RAP1A: variants seen among roughly 807,000 people sequenced by gnomAD.
RAP1A encodes the protein ras-related protein Rap-1A.
RAP1A carries 6 observed loss-of-function variants against 26.4 expected under a neutral mutation model. The observed-to-expected ratio is 0.23, with a 90% CI of 0.12 to 0.45. RAP1A has a LOEUF of 0.45. RAP1A is among the 20% of genes least tolerant of loss of function. RAP1A has a pLI of 0.99. For missense variants in RAP1A, 121 were observed against 217.2 expected (o/e 0.56, Z 2.78); for synonymous variants, 73 against 79.4 (o/e 0.92, Z 0.43).
chr1:111,648,174 A>T (rs1227857030), intron 1 of RAP1A: 3 of 230,950 alleles, frequency 1.3e-5, no homozygotes, highest in South Asian at 6.5e-5. Flanking sequence ...AGGTTCAAAC[A>T]GTGTGTGTGT....
At chr1:111,697,701 T>A in intron 4 of RAP1A, among the ~76,000 whole-genome samples, 1 of 152,144 alleles carries the variant, frequency 6.6e-6, no homozygotes, top group East Asian at 1.9e-4. Flanking sequence ...CCTGTAATAA[T>A]CTGTGTGTTG....
At chr1:111,705,243 A>G (rs1403941209) in intron 6 of RAP1A, among the ~76,000 whole-genome samples, 1 of 152,210 alleles carries the variant, frequency 6.6e-6, no homozygotes, top group East Asian at 1.9e-4. Flanking sequence ...AAATAAAAAC[A>G]ACAGAGTGGG....
chr1:111,552,817 A>T (rs1657323003), intron 1 of RAP1A, among the ~76,000 whole-genome samples: 1 of 152,228 alleles, frequency 6.6e-6, no homozygotes, highest in Non-Finnish European at 1.5e-5. Flanking sequence ...ATGGGATAAT[A>T]AAAGTATTGC....
Position 111,607,812 on chromosome 1 carries a change from G to A in RAP1A, c.-28+65303G>A, listed in dbSNP as rs1334209302. Among the ~76,000 whole-genome samples, 8 of 126,446 alleles carry A rather than the reference G, an allele frequency of 6.3e-5. 1 individual carries two copies. Among genetic ancestry groups the A allele is most frequent in the East Asian group, 2.1e-4 (1 of 4,666 alleles). The allele number at this position is 126,446 out of a possible 152,430, so 83.0% of individuals were successfully genotyped here. A position where few individuals can be genotyped will look rare whatever the true frequency, so the allele number is the denominator to read the frequency against. ...TCCCGGACGGGGCGGCTGGCCGGGC[G>A]GGGGGCTGACCCCCCCACCTCCCTC... On this transcript the variant is annotated intron_variant, in intron 1 of 7. Transcript: ENST00000356415.
intron 1 of RAP1A, among the ~76,000 whole-genome samples, chr1:111,632,095 G>A (rs183603051): frequency 2.8e-4 from 43 of 152,246 alleles, no homozygotes; most frequent in Non-Finnish European, 1.8e-4. Context: ...CAGTCTGTGG[G>A]GAGTGGGGCA....
At chr1:111,701,204 G>A (rs1186032598) in intron 4 of RAP1A, among the ~76,000 whole-genome samples, 1 of 152,048 alleles carries the variant, frequency 6.6e-6, no homozygotes, top group Non-Finnish European at 1.5e-5. Flanking sequence ...CACCCACTAG[G>A]TAACAATGTT....
At chr1:111,659,419 G>A (rs1469850162) in intron 1 of RAP1A, among the ~76,000 whole-genome samples, 1 of 152,098 alleles carries the variant, frequency 6.6e-6, no homozygotes, top group African/African-American at 2.4e-5. Context: ...CAAAACTATG[G>A]ATGGGGGGGT....
intron 1 of RAP1A, chr1:111,648,172 A>G: frequency 4.7e-6 from 1 of 212,782 alleles, no homozygotes; most frequent in Non-Finnish European, 8.5e-6. Flanking sequence ...CCAGGTTCAA[A>G]CAGTGTGTGT....
chr1:111,567,929 T>C (rs1657960283), intron 1 of RAP1A, among the ~76,000 whole-genome samples: 1 of 152,206 alleles, frequency 6.6e-6, no homozygotes, highest in Admixed American at 6.5e-5. Context: ...TGGTACTTTG[T>C]TGTGGCAGCT....
intron 1 of RAP1A, among the ~76,000 whole-genome samples, chr1:111,650,204 G>C (rs12092595): frequency 6.9e-6 from 1 of 144,312 alleles, no homozygotes; most frequent in Non-Finnish European, 1.5e-5. Context: ...TTAAAGATAA[G>C]AAGTTTGGGC....
chr1:111,682,141 T>C (rs1455776582), intron 1 of RAP1A, among the ~76,000 whole-genome samples: 4 of 151,996 alleles, frequency 2.6e-5, no homozygotes, highest in Non-Finnish European at 5.9e-5. Flanking sequence ...GACAAGCAAA[T>C]GCTGAGGGAT....
At chr1:111,567,456 G>C (rs1446207040) in intron 1 of RAP1A, among the ~76,000 whole-genome samples, 1 of 152,204 alleles carries the variant, frequency 6.6e-6, no homozygotes, top group African/African-American at 2.4e-5. Context: ...GATTAACTCT[G>C]TACTACTAGC....
chr1:111,572,584 C>A (rs1223824854), intron 1 of RAP1A, among the ~76,000 whole-genome samples: 1 of 152,158 alleles, frequency 6.6e-6, no homozygotes, highest in Non-Finnish European at 1.5e-5. Context: ...GTTTCACCAC[C>A]CCATCAATCT....
chr1:111,699,004 TAAG>T (rs1295975028), intron 4 of RAP1A, among the ~76,000 whole-genome samples: 2 of 152,112 alleles, frequency 1.3e-5, no homozygotes, highest in African/African-American at 2.4e-5. Context: ...GTCCAGATTG[TAAG>T]AAGGAAGTTC....
At chr1:111,709,908 G>C (rs893977898) in intron 7 of RAP1A, among the ~76,000 whole-genome samples, 2 of 152,120 alleles carry the variant, frequency 1.3e-5, no homozygotes, top group African/African-American at 2.4e-5. Context: ...GTTCATTTAA[G>C]TTCTTTCTTT....
chr1:111,664,856 C>A (rs761601893), intron 1 of RAP1A, among the ~76,000 whole-genome samples: 4 of 152,194 alleles, frequency 2.6e-5, no homozygotes, highest in Admixed American at 2.6e-4. Context: ...TTTCTTACAG[C>A]ACTTCCTGGC....
intron 2 of RAP1A, 69 bp from the exon 3 acceptor site, chr1:111,695,272 T>C: frequency 8.9e-7 from 1 of 1,126,888 alleles, no homozygotes; most frequent in Non-Finnish European, 1.2e-6. Flanking sequence ...CATTATAATT[T>C]GTAGGTTAAG....
intron 1 of RAP1A, among the ~76,000 whole-genome samples, chr1:111,638,487 G>C (rs1184409468): frequency 1.3e-5 from 2 of 152,016 alleles, no homozygotes; most frequent in Non-Finnish European, 2.9e-5. Context: ...CTACCCCCGG[G>C]CTAGGGTGCT....
intron 1 of RAP1A, among the ~76,000 whole-genome samples, chr1:111,676,952 C>G (rs753137103): frequency 6.6e-6 from 1 of 152,044 alleles, no homozygotes; most frequent in Non-Finnish European, 1.5e-5. Flanking sequence ...TGCCACCACA[C>G]CCAGCTAATT....
Sources: gnomAD v4.1 joint callset for allele counts (sites outside exome capture counted in the v4.1 genomes callset) on GRCh38, gnomAD v4.1.1 for gene constraint, MANE v1.5 for transcripts, NCBI Gene and HGNC (gene_info 2026-07-23, HGNC 2026-07-21) for gene names.